CYFIP2: variants seen among roughly 807,000 people sequenced by gnomAD.
CYFIP2 encodes cytoplasmic FMR1 interacting protein 2.
In CYFIP2, 29 loss-of-function variants were observed where a neutral mutation model predicts 158.7. The observed-to-expected ratio is 0.18, with a 90% CI of 0.14 to 0.25. The LOEUF (loss-of-function observed/expected upper bound fraction) is 0.25, where lower values mean the gene tolerates loss of function less well. Among genes scored for constraint, CYFIP2 ranks in the 10% least tolerant of loss-of-function variants. CYFIP2 has a pLI of 1.00. For synonymous variants in CYFIP2, 585 were observed against 617.6 expected (o/e 0.95, Z 0.78); for missense variants, 852 against 1,639.5 (o/e 0.52, Z 8.29).
At chr5:157,296,370 G>A (rs1246379935) in intron 4 of CYFIP2, 4 of 387,762 alleles carry the variant, frequency 1.0e-5, no homozygotes, top group Non-Finnish European at 5.3e-6. Context: ...GAGGTGGGAG[G>A]ATTGCTTGAG....
chr5:157,358,234 A>G (rs1763551612), intron 23 of CYFIP2, among the ~76,000 whole-genome samples: 1 of 152,314 alleles, frequency 6.6e-6, no homozygotes, highest in South Asian at 2.1e-4. Context: ...TCAGACAAAG[A>G]TCTTAAAGAG....
chr5:157,330,320 A>G (rs912606594), intron 19 of CYFIP2, among the ~76,000 whole-genome samples: 5 of 151,574 alleles, frequency 3.3e-5, no homozygotes, highest in African/African-American at 7.3e-5. Flanking sequence ...AATAAACACT[A>G]TGCAACTGTT....
Position 157,329,160 on chromosome 5 carries a change from G to A in CYFIP2, c.2156+1111G>A, listed in dbSNP as rs77294261. 6.1e-4 allele frequency among the ~76,000 whole-genome samples: 93 copies of A among 152,272 alleles called. No homozygotes were observed. The East Asian group carries it at 0.015, about 25-fold the overall frequency. ...TAACACAGGATGTGCATTAAATAAC[G>A]CGACTCTTAAATGCTGTAAAGTATT... On this transcript the variant is annotated intron_variant, in intron 19 of 30. Coordinates refer to ENST00000620254, the MANE Select transcript of CYFIP2 (RefSeq NM_001037333.3).
intron 23 of CYFIP2, chr5:157,342,090 A>G (rs1331894098): frequency 1.3e-5 from 2 of 152,662 alleles, no homozygotes; most frequent in Non-Finnish European, 2.9e-5. Flanking sequence ...TATCAAAGAC[A>G]AGCAAGCAGG....
chr5:157,276,371 G>A (rs936291590), intron 1 of CYFIP2, among the ~76,000 whole-genome samples: 5 of 152,090 alleles, frequency 3.3e-5, no homozygotes, highest in Non-Finnish European at 5.9e-5. Context: ...CTTTTTCTGT[G>A]TGTATTGAGA....
rs1759900029 is a variant in CYFIP2, at chr5:157,313,438, G to T, written c.1111-906G>T. Among the ~76,000 whole-genome samples, 6 of 152,110 alleles carry T rather than the reference G, an allele frequency of 3.9e-5. No individual in the cohort carries two copies. In the South Asian group the frequency reaches 8.3e-4, roughly 21 times the overall value. ...TATAGCGCATTAGCCCTAAGCTTGG[G>T]GGCCATTTTAAATTGAACAATTAGA... On this transcript the variant is annotated intron_variant, in intron 11 of 30. Coordinates refer to ENST00000620254, the MANE Select transcript of CYFIP2 (RefSeq NM_001037333.3).
chr5:157,338,689 T>C (rs1762031756), intron 21 of CYFIP2, among the ~76,000 whole-genome samples: 1 of 152,250 alleles, frequency 6.6e-6, no homozygotes, highest in African/African-American at 2.4e-5. Flanking sequence ...TAATTAGTGG[T>C]AGCTCTTAGT....
At position 157,325,938 on chromosome 5, in the gene CYFIP2, A is replaced by C. The variant is rs547133000; in HGVS notation, c.1983-233A>C. ...TCTTAACTGCTACCTGATGTGTTTT[A>C]GTCCCAAATGAATTTTTACAAGTCT... On this transcript the variant is annotated intron_variant, in intron 17 of 30. Transcript: ENST00000620254. 29 of 559,490 alleles carry C rather than the reference A, an allele frequency of 5.2e-5. No individual in the cohort carries two copies. The South Asian group carries it at 6.6e-4, about 13-fold the overall frequency. 34.7% of individuals were successfully genotyped at this position (559,490 alleles called of 1,614,324 possible). A position where few individuals can be genotyped will look rare whatever the true frequency, so the allele number is the denominator to read the frequency against.
intron 3 of CYFIP2, among the ~76,000 whole-genome samples, chr5:157,293,990 T>A (rs1412477437): frequency 6.6e-6 from 1 of 151,740 alleles, no homozygotes; most frequent in Non-Finnish European, 1.5e-5. Flanking sequence ...CCAGGTGGAG[T>A]CAGTCTGAAG....
At chr5:157,345,958 C>A (rs1425060327) in intron 23 of CYFIP2, among the ~76,000 whole-genome samples, 2 of 152,186 alleles carry the variant, frequency 1.3e-5, no homozygotes, top group Non-Finnish European at 2.9e-5. Context: ...GTTTTAAATG[C>A]AAAGATGCTT....
Position 157,341,173 on chromosome 5 carries a change from C to G in CYFIP2, c.2673+16C>G, listed in dbSNP as rs1390398365. On this transcript the variant is annotated intron_variant, in intron 23 of 30. Coordinates refer to ENST00000620254, the MANE Select transcript of CYFIP2 (RefSeq NM_001037333.3). ...TGGATCCAAGGTAAGTAGTCCTGCC[C>G]TACCCTGCCTAGAAGAGGGTTGGTG... The G allele has an allele frequency of 6.2e-7, 1 of 1,609,504 alleles. No homozygotes were observed. Among genetic ancestry groups the G allele is most frequent in the East Asian group, 2.2e-5 (1 of 44,858 alleles).
At chr5:157,354,374 A>G (rs1763273542) in intron 23 of CYFIP2, among the ~76,000 whole-genome samples, 1 of 152,110 alleles carries the variant, frequency 6.6e-6, no homozygotes, top group Non-Finnish European at 1.5e-5. Flanking sequence ...CCAATGGCTC[A>G]TGTCATGTTG....
chr5:157,367,777 CAG>C (rs1273889283), intron 26 of CYFIP2, among the ~76,000 whole-genome samples: 3 of 98,676 alleles, frequency 3.0e-5, no homozygotes, highest in Non-Finnish European at 6.0e-5. Flanking sequence ...TTTTTTAAGA[CAG>C]AGTCTCACTC....
chr5:157,380,327 G>C (rs1366354091), intron 26 of CYFIP2, among the ~76,000 whole-genome samples: 1 of 152,156 alleles, frequency 6.6e-6, no homozygotes, highest in Non-Finnish European at 1.5e-5. Context: ...GCAAGAAAGG[G>C]GTCTTTTCAG....
At chr5:157,379,801 T>C (rs1229320104) in intron 26 of CYFIP2, among the ~76,000 whole-genome samples, 1 of 152,068 alleles carries the variant, frequency 6.6e-6, no homozygotes, top group Non-Finnish European at 1.5e-5. Flanking sequence ...CAGGTTCGCC[T>C]TGCCCACTGC....
intron 26 of CYFIP2, among the ~76,000 whole-genome samples, chr5:157,367,478 T>A (rs1764493418): frequency 6.6e-6 from 1 of 151,744 alleles, no homozygotes; most frequent in African/African-American, 2.4e-5. Flanking sequence ...AGTGCAGGAG[T>A]CTGGATGAAA....
In CYFIP2 at chr5:157,309,855, C is replaced by T. The variant is rs777046795; in HGVS notation, c.992+21C>T. 5 of 1,567,704 alleles carry T rather than the reference C, an allele frequency of 3.2e-6. No homozygotes were observed. In the East Asian group the frequency reaches 1.2e-4, roughly 37 times the overall value. On this transcript the variant is annotated intron_variant, in intron 10 of 30. Transcript: ENST00000620254. ...TCCAAGTGAGTGCCTGCCGTAATGT[C>T]TCTCGGCTCCCGCAAGGATGCCCAG...
intron 15 of CYFIP2, among the ~76,000 whole-genome samples, chr5:157,323,477 A>G (rs546958633): frequency 1.3e-5 from 2 of 152,304 alleles, no homozygotes; most frequent in Admixed American, 1.3e-4. Context: ...GAGACAACTG[A>G]GGCCCAGAGT....
In CYFIP2 at chr5:157,341,172, C is replaced by T. The variant is rs751646167; in HGVS notation, c.2673+15C>T. ...ATGGATCCAAGGTAAGTAGTCCTGC[C>T]CTACCCTGCCTAGAAGAGGGTTGGT... On this transcript the variant is annotated intron_variant, in intron 23 of 30. Transcript: ENST00000620254. 5.6e-6 allele frequency: 9 copies of T among 1,609,802 alleles called. No homozygotes were observed. Among genetic ancestry groups the T allele is most frequent in the Non-Finnish European group, 6.8e-6 (8 of 1,176,116 alleles).
Sources: gnomAD v4.1 joint callset for allele counts (sites outside exome capture counted in the v4.1 genomes callset) on GRCh38, gnomAD v4.1.1 for gene constraint, MANE v1.5 for transcripts, NCBI Gene and HGNC (gene_info 2026-07-23, HGNC 2026-07-21) for gene names.